The following GPR107 variants were observed in gnomAD, a reference collection of about 807,000 sequenced individuals.
GPR107 encodes the protein G protein-coupled receptor 107.
GPR107 carries 31 observed loss-of-function variants against 75.5 expected under a neutral mutation model. That is an observed-to-expected ratio of 0.41 (90% CI 0.31 to 0.55). The LOEUF (loss-of-function observed/expected upper bound fraction) is 0.55. Ranked by LOEUF, GPR107 falls within the 20% of genes least tolerant of loss-of-function variation. The pLI is 0.26. For synonymous variants in GPR107, 267 were observed against 251.3 expected, an observed-to-expected ratio of 1.06 and a Z score of -0.59; for missense variants, 572 against 665.7, an observed-to-expected ratio of 0.86 and a Z score of 1.55.
intron 14 of GPR107, chr9:130,108,808 G>A (rs960976693): frequency 1.5e-5 from 7 of 453,658 alleles, no homozygotes; most frequent in Middle Eastern, 3.3e-4. Flanking sequence ...GTGTCCTCTT[G>A]TGATAGGTTC....
chr9:130,099,811 T>C (rs1276700544), intron 10 of GPR107, among the ~76,000 whole-genome samples: 4 of 150,744 alleles, frequency 2.7e-5, no homozygotes, highest in Non-Finnish European at 2.9e-5. Context: ...TTTGGTTTGT[T>C]TTGTTTTTTT....
At chr9:130,083,930 G>T (rs956301835) in intron 6 of GPR107, among the ~76,000 whole-genome samples, 2 of 151,594 alleles carry the variant, frequency 1.3e-5, no homozygotes, top group African/African-American at 4.9e-5. Context: ...GTTACACTGT[G>T]TTGGATTTTT....
intron 5 of GPR107, among the ~76,000 whole-genome samples, chr9:130,082,172 C>T (rs1277321853): frequency 6.6e-6 from 1 of 152,178 alleles, no homozygotes; most frequent in Non-Finnish European, 1.5e-5. Flanking sequence ...GTCCTCATGA[C>T]TCAGATACCT....
At chr9:130,057,928 C>T (rs1438129914) in intron 1 of GPR107, among the ~76,000 whole-genome samples, 1 of 151,674 alleles carries the variant, frequency 6.6e-6, no homozygotes, top group East Asian at 1.9e-4. Flanking sequence ...CCTCCCGGTT[C>T]AAGCGATCTC....
At position 130,075,748 on chromosome 9, in the gene GPR107, C is replaced by G; in HGVS notation, c.254C>G (p.Thr85Ser). 1 of 1,380,364 alleles carries G rather than the reference C, an allele frequency of 7.2e-7. No individual in the cohort carries two copies. Among genetic ancestry groups the G allele is most frequent in the Non-Finnish European group, 1.0e-6 (1 of 967,818 alleles). 85.5% of individuals were successfully genotyped at this position (1,380,364 alleles called of 1,614,324 possible). A position where few individuals can be genotyped will look rare whatever the true frequency, so the allele number is the denominator to read the frequency against. Residue 85 changes from threonine to serine, a missense_variant and splice_region_variant, in exon 2 of 18, where the codon ACT becomes AGT. Transcript: ENST00000347136. ...SLNEPEDKDV[T>S]IGFSLDRTKN... ...AATGAGCCTGAAGACAAGGATGTGA[C>G]TGTAAGTACCTTTTAATGAGATCCA...
At chr9:130,055,453 G>A (rs1829746644) in intron 1 of GPR107, among the ~76,000 whole-genome samples, 1 of 151,152 alleles carries the variant, frequency 6.6e-6, no homozygotes, top group Non-Finnish European at 1.5e-5. Context: ...GCGTGAACCC[G>A]GGAGGCGGAG....
intron 8 of GPR107, among the ~76,000 whole-genome samples, chr9:130,091,950 T>C (rs903035954): frequency 6.6e-5 from 10 of 152,062 alleles, no homozygotes; most frequent in African/African-American, 2.4e-4. Context: ...TACCTCGGCC[T>C]CCCAAAGTGC....
chr9:130,094,460 C>T (rs1174787805), intron 9 of GPR107, among the ~76,000 whole-genome samples: 1 of 151,990 alleles, frequency 6.6e-6, no homozygotes, highest in Admixed American at 6.6e-5. Flanking sequence ...GTAGTGCTCA[C>T]TACTTGGGAG....
rs1269810409 is a variant in GPR107 at position 130,138,475 on chromosome 9, C to T, written c.*3354C>T. On this transcript the variant is annotated 3_prime_UTR_variant, in exon 18 of 18. Transcript: ENST00000347136. ...CATCCCCTCCCCCTCCTCCTCTGCC[C>T]TCGCCCTTACCCCTCCCCCTTCCCC... 3 of 140,490 alleles carry T rather than the reference C, an allele frequency of 2.1e-5. No individual in the cohort carries two copies. The highest frequency in any genetic ancestry group is 5.3e-5 in the African/African-American group (2 of 37,456). The allele number at this position is 140,490 out of a possible 1,614,324, so 8.7% of individuals were successfully genotyped here. A position where few individuals can be genotyped will look rare whatever the true frequency, so the allele number is the denominator to read the frequency against.
intron 17 of GPR107, 54 bp from the exon 18 acceptor site, chr9:130,134,971 C>T: frequency 9.8e-7 from 1 of 1,022,580 alleles, no homozygotes; most frequent in South Asian, 1.3e-5. Context: ...CAGAGATGGC[C>T]TTTTACTAAG....
chr9:130,080,623 C>G (rs1159500312), intron 5 of GPR107, among the ~76,000 whole-genome samples: 1 of 151,818 alleles, frequency 6.6e-6, no homozygotes, highest in African/African-American at 2.4e-5. Context: ...TCCCAAGTAG[C>G]TGGGACTACA....
At chr9:130,069,623 A>C (rs1284095628) in intron 1 of GPR107, among the ~76,000 whole-genome samples, 1 of 152,152 alleles carries the variant, frequency 6.6e-6, no homozygotes, top group Non-Finnish European at 1.5e-5. Flanking sequence ...CTTAAAATGG[A>C]GGTGGGGAAC....
At chr9:130,076,103 G>C (rs949717980) in intron 2 of GPR107, among the ~76,000 whole-genome samples, 1 of 152,112 alleles carries the variant, frequency 6.6e-6, no homozygotes, top group Non-Finnish European at 1.5e-5. Context: ...TTTTAGCTTA[G>C]GTGAGAGTCA....
chr9:130,121,226 T>TAAAACAAAA, intron 14 of GPR107, among the ~76,000 whole-genome samples: 1 of 135,474 alleles, frequency 7.4e-6, no homozygotes, highest in South Asian at 2.4e-4. Context: ...ACAAAACCCT[T>TAAAACAAAA]CAGAATAGCA....
At chr9:130,094,416 TAAAA>T (rs902159620) in intron 9 of GPR107, among the ~76,000 whole-genome samples, 1 of 149,724 alleles carries the variant, frequency 6.7e-6, no homozygotes, top group Non-Finnish European at 1.5e-5. Context: ...TGCACAAAAT[TAAAA>T]AAAAAATCCA....
At chr9:130,070,588 G>A (rs1830180310) in intron 1 of GPR107, among the ~76,000 whole-genome samples, 1 of 152,202 alleles carries the variant, frequency 6.6e-6, no homozygotes, top group South Asian at 2.1e-4. Context: ...ACAGGCGTGA[G>A]CCACCGCGCC....
At chr9:130,072,858 A>T (rs1449489170) in intron 1 of GPR107, among the ~76,000 whole-genome samples, 1 of 152,218 alleles carries the variant, frequency 6.6e-6, no homozygotes, top group Non-Finnish European at 1.5e-5. Context: ...AAGCAGCTTC[A>T]TGCTGGACCA....
chr9:130,118,178 C>T (rs1394862506), intron 14 of GPR107, among the ~76,000 whole-genome samples: 1 of 152,174 alleles, frequency 6.6e-6, no homozygotes, highest in Non-Finnish European at 1.5e-5. Context: ...GCTTCCCCCA[C>T]AGAGGCCATC....
At chr9:130,105,893 C>T (rs888880066) in intron 13 of GPR107, among the ~76,000 whole-genome samples, 2 of 151,862 alleles carry the variant, frequency 1.3e-5, no homozygotes, top group Non-Finnish European at 2.9e-5. Flanking sequence ...CTCCTGGGTT[C>T]AAGTGATCTT....
Sources: allele counts gnomAD v4.1 joint callset (sites outside exome capture counted in the v4.1 genomes callset), GRCh38; gene constraint gnomAD v4.1.1; transcripts MANE v1.5; gene names NCBI Gene and HGNC (gene_info 2026-07-23, HGNC 2026-07-21).